Variants in MARCHF1 observed in about 807,000 individuals in gnomAD.
The protein encoded by MARCHF1 is E3 ubiquitin-protein ligase MARCHF1.
A neutral mutation model predicts 54.2 loss-of-function variants in MARCHF1; 40 were observed. The observed-to-expected ratio is 0.74, with a 90% CI of 0.57 to 0.96. The LOEUF (loss-of-function observed/expected upper bound fraction) is 0.96. Among genes scored for constraint, MARCHF1 ranks in the 40% least tolerant of loss-of-function variants. The pLI is 0.00. For missense variants in MARCHF1, 586 were observed against 656.5 expected (o/e 0.89, Z 1.17); for synonymous variants, 236 against 236.3 (o/e 1.00, Z 0.01).
chr4:163,669,215 T>C (rs1446859410), intron 5 of MARCHF1, among the ~76,000 whole-genome samples: 1 of 152,188 alleles, frequency 6.6e-6, no homozygotes, highest in Non-Finnish European at 1.5e-5. Flanking sequence ...TATTGTCTTG[T>C]CTCATTGTAC....
At chr4:164,164,654 G>T (rs1184740126) in intron 1 of MARCHF1, among the ~76,000 whole-genome samples, 1 of 151,972 alleles carries the variant, frequency 6.6e-6, no homozygotes, top group East Asian at 1.9e-4. Context: ...TTGAGTATGT[G>T]CCATTATGGT....
In MARCHF1 at chr4:163,629,268, C is replaced by T. The variant is rs112321699; in HGVS notation, c.163-15875G>A. On this transcript the variant is annotated intron_variant, in intron 5 of 9. Transcript: ENST00000514618. The stretch of plus-strand genomic sequence containing the variant: ...AATAACGCCACACATCTACAACCAT[C>T]TGATCTTTGACAAACCTGACAAAAA... Among the ~76,000 whole-genome samples, 61 of 152,288 alleles carry T rather than the reference C, an allele frequency of 4.0e-4. 1 individual carries two copies. Among genetic ancestry groups the T allele is most frequent in the African/African-American group, 1.4e-3 (59 of 41,566 alleles).
At chr4:163,922,721 A>T (rs1751457912) in intron 3 of MARCHF1, among the ~76,000 whole-genome samples, 1 of 152,048 alleles carries the variant, frequency 6.6e-6, no homozygotes, top group Admixed American at 6.5e-5. Flanking sequence ...CAAGTTCACT[A>T]AAAGCAACTA....
intron 1 of MARCHF1, among the ~76,000 whole-genome samples, chr4:164,145,097 A>G (rs1213216194): frequency 4.7e-5 from 7 of 148,654 alleles, no homozygotes; most frequent in African/African-American, 1.7e-4. Context: ...TCCTCGACAC[A>G]TACACTCTCC....
At chr4:164,274,053 C>T (rs1579680301) in intron 1 of MARCHF1, among the ~76,000 whole-genome samples, 1 of 151,334 alleles carries the variant, frequency 6.6e-6, no homozygotes, top group East Asian at 1.9e-4. Context: ...TTTTTTGACA[C>T]ACACTTTACA....
intron 2 of MARCHF1, among the ~76,000 whole-genome samples, chr4:164,015,443 A>T (rs1012826044): frequency 6.6e-6 from 1 of 152,184 alleles, no homozygotes; most frequent in Non-Finnish European, 1.5e-5. Context: ...CTAAATCAGA[A>T]ATAGACAAAT....
intron 3 of MARCHF1, among the ~76,000 whole-genome samples, chr4:163,936,131 A>C (rs1013641956): frequency 2.6e-5 from 4 of 152,184 alleles, no homozygotes; most frequent in African/African-American, 9.7e-5. Context: ...GAGCAGTCAG[A>C]ACGCACACAA....
intron 5 of MARCHF1, among the ~76,000 whole-genome samples, chr4:163,695,534 T>C (rs1002334188): frequency 6.6e-6 from 1 of 152,174 alleles, no homozygotes; most frequent in South Asian, 2.1e-4. Flanking sequence ...TTGAAATGAC[T>C]CTCTGTCATG....
intron 2 of MARCHF1, among the ~76,000 whole-genome samples, chr4:164,028,627 A>G (rs1463389834): frequency 6.6e-6 from 1 of 152,174 alleles, no homozygotes; most frequent in Non-Finnish European, 1.5e-5. Context: ...GTTGGGTACT[A>G]TGCTCACTAC....
intron 8 of MARCHF1, among the ~76,000 whole-genome samples, chr4:163,582,242 TC>T (rs1356364281): frequency 6.6e-6 from 1 of 152,236 alleles, no homozygotes; most frequent in Non-Finnish European, 1.5e-5. Flanking sequence ...CAGAATTATT[TC>T]TGACCTTGGT....
chr4:163,822,844 C>T (rs544473173), intron 4 of MARCHF1, among the ~76,000 whole-genome samples: 34 of 151,854 alleles, frequency 2.2e-4, no homozygotes, highest in Admixed American at 5.3e-4. Flanking sequence ...TATATTTGTA[C>T]CCATTTACGT....
chr4:164,297,875 G>A (rs375758426), intron 1 of MARCHF1, among the ~76,000 whole-genome samples: 1 of 152,092 alleles, frequency 6.6e-6, no homozygotes, highest in Non-Finnish European at 1.5e-5. Context: ...AAATGTAAAA[G>A]CCATGAGACT....
intron 1 of MARCHF1, among the ~76,000 whole-genome samples, chr4:164,171,399 A>G (rs1021169179): frequency 6.6e-6 from 1 of 152,136 alleles, no homozygotes; most frequent in Non-Finnish European, 1.5e-5. Flanking sequence ...AATATAATAC[A>G]TATTTGTTTA....
intron 2 of MARCHF1, among the ~76,000 whole-genome samples, chr4:164,046,109 G>A (rs1490410689): frequency 6.6e-6 from 1 of 152,180 alleles, no homozygotes; most frequent in Non-Finnish European, 1.5e-5. Context: ...GAAGCAATAA[G>A]AGACAGGTGA....
Position 163,885,271 on chromosome 4 carries a change from C to A in MARCHF1, c.-38-31102G>T, listed in dbSNP as rs1253932940. On this transcript the variant is annotated intron_variant, in intron 3 of 9. Transcript: ENST00000514618. ...GTCATTCACCTTTAGCATGTCTCAA[C>A]CTTCCTTCATTTAGATAGGTCCTGT... Among the ~76,000 whole-genome samples the A allele has an allele frequency of 2.6e-5, 4 of 152,106 alleles. No individual in the cohort carries two copies. The East Asian group carries it at 7.7e-4, about 29-fold the overall frequency.
chr4:163,860,745 G>A (rs553643196), intron 3 of MARCHF1, among the ~76,000 whole-genome samples: 28 of 152,342 alleles, frequency 1.8e-4, no homozygotes, highest in South Asian at 6.2e-4. Context: ...TCTTTGTGGA[G>A]GAGTACTTGG....
intron 5 of MARCHF1, among the ~76,000 whole-genome samples, chr4:163,647,819 A>G (rs1742816548): frequency 6.6e-6 from 1 of 151,868 alleles, no homozygotes; most frequent in Non-Finnish European, 1.5e-5. Flanking sequence ...TCTCAAATAA[A>G]TAACCTATGT....
chr4:164,091,862 TTGTGTG>T (rs56160451), intron 2 of MARCHF1, among the ~76,000 whole-genome samples: 47,890 of 148,450 alleles, frequency 0.32, 7,951 homozygotes, highest in Non-Finnish European at 0.36. Flanking sequence ...ATGTATACTT[TTGTGTG>T]TGTGTGTGTG....
At chr4:164,372,451 T>C (rs1731062616) in intron 1 of MARCHF1, among the ~76,000 whole-genome samples, 1 of 152,162 alleles carries the variant, frequency 6.6e-6, no homozygotes, top group Non-Finnish European at 1.5e-5. Flanking sequence ...TTTGGATACA[T>C]TTCTGGAAAG....
Sources: gnomAD v4.1 joint callset for allele counts (sites outside exome capture counted in the v4.1 genomes callset) on GRCh38, gnomAD v4.1.1 for gene constraint, MANE v1.5 for transcripts, NCBI Gene and HGNC (gene_info 2026-07-23, HGNC 2026-07-21) for gene names.